Variants in PRKCB observed in about 807,000 individuals in gnomAD.
The protein encoded by PRKCB is protein kinase C beta, also known as protein kinase C beta type.
A neutral mutation model predicts 81.5 loss-of-function variants in PRKCB; 13 were observed. The ratio of observed to expected loss-of-function variants is 0.16; its 90% confidence interval spans 0.10 to 0.25. The LOEUF is 0.25. Among genes scored for constraint, PRKCB ranks in the 10% least tolerant of loss-of-function variants. PRKCB has a pLI of 1.00. For missense variants in PRKCB, 509 were observed against 875.7 expected, an observed-to-expected ratio of 0.58 and a Z score of 5.29; for synonymous variants, 335 against 321.4, an observed-to-expected ratio of 1.04 and a Z score of -0.45.
Position 24,027,987 on chromosome 16 carries a change from C to T in PRKCB, c.289-4149C>T, listed in dbSNP as rs1449819810. Among the ~76,000 whole-genome samples the T allele has an allele frequency of 2.6e-5, 4 of 152,152 alleles. No homozygotes were observed. The South Asian group carries it at 8.3e-4, about 32-fold the overall frequency. On this transcript the variant is annotated intron_variant, in intron 3 of 16. Coordinates refer to ENST00000643927, the MANE Select transcript of PRKCB (RefSeq NM_002738.7). The stretch of plus-strand genomic sequence containing the variant: ...GTCTCACTGTGTTGCCTAGGCTGAT[C>T]TCAAACTCCTGGGTTCAAGCTCAAG...
At chr16:24,098,038 G>T (rs902664028) in intron 7 of PRKCB, among the ~76,000 whole-genome samples, 4 of 152,176 alleles carry the variant, frequency 2.6e-5, no homozygotes, top group Admixed American at 6.5e-5. Context: ...ATGAGACATC[G>T]TGTCTGACTC....
At chr16:24,118,193 G>T (rs1433700640) in intron 8 of PRKCB, among the ~76,000 whole-genome samples, 1 of 152,222 alleles carries the variant, frequency 6.6e-6, no homozygotes, top group African/African-American at 2.4e-5. Flanking sequence ...CTGTAAGCAA[G>T]TTGCTTTGTC....
At chr16:23,913,737 G>C (rs1359533248) in intron 2 of PRKCB, among the ~76,000 whole-genome samples, 1 of 152,204 alleles carries the variant, frequency 6.6e-6, no homozygotes, top group African/African-American at 2.4e-5. Flanking sequence ...TGCAGGAAGG[G>C]TTGAAGAATC....
intron 2 of PRKCB, among the ~76,000 whole-genome samples, chr16:23,936,180 C>T (rs1391288289): frequency 6.6e-6 from 1 of 151,698 alleles, no homozygotes; most frequent in East Asian, 1.9e-4. Flanking sequence ...ACTGCAACCC[C>T]TATTCTCCAC....
intron 5 of PRKCB, among the ~76,000 whole-genome samples, chr16:24,084,834 G>A (rs1966292210): frequency 6.6e-6 from 1 of 152,150 alleles, no homozygotes; most frequent in Admixed American, 6.6e-5. Context: ...AAATTAACTA[G>A]GGACACCCAA....
chr16:24,174,699 C>A, intron 12 of PRKCB, 119 bp downstream of exon 12: 1 of 955,962 alleles, frequency 1.0e-6, no homozygotes, highest in Non-Finnish European at 1.6e-6. Flanking sequence ...TCCTCCAGAA[C>A]TAACTTGGGC....
chr16:24,180,988 C>T (rs953879746), intron 13 of PRKCB, 60 bp downstream of exon 13: 2 of 1,588,176 alleles, frequency 1.3e-6, no homozygotes, highest in Non-Finnish European at 1.7e-6. Context: ...CCCCAGATGG[C>T]TGTGTGAGAG....
chr16:24,119,208 A>G (rs1232576301), intron 8 of PRKCB, among the ~76,000 whole-genome samples: 4 of 152,036 alleles, frequency 2.6e-5, no homozygotes, highest in Non-Finnish European at 5.9e-5. Context: ...GAAAAGTTAT[A>G]AAAGCAAGCT....
At chr16:24,104,573 T>G (rs549769644) in intron 7 of PRKCB, among the ~76,000 whole-genome samples, 1 of 152,304 alleles carries the variant, frequency 6.6e-6, no homozygotes, top group East Asian at 1.9e-4. Flanking sequence ...CAAGGAATCT[T>G]GGGGAGTGGA....
At chr16:23,997,447 C>T (rs1349947398) in intron 3 of PRKCB, among the ~76,000 whole-genome samples, 1 of 152,156 alleles carries the variant, frequency 6.6e-6, no homozygotes, top group Non-Finnish European at 1.5e-5. Context: ...CTGAGGTGCC[C>T]ACTGAAGGTA....
intron 9 of PRKCB, among the ~76,000 whole-genome samples, chr16:24,151,010 A>G (rs1209207761): frequency 6.6e-6 from 1 of 152,258 alleles, no homozygotes; most frequent in Non-Finnish European, 1.5e-5. Context: ...ATCTCCTACG[A>G]TGCGGAGCAC....
intron 16 of PRKCB, chr16:24,208,332 T>G (rs1384863504): frequency 6.6e-6 from 1 of 152,186 alleles, no homozygotes; most frequent in Non-Finnish European, 1.5e-5. Flanking sequence ...CCAAGCCAAC[T>G]CCACATTCAA....
At chr16:23,868,401 T>A (rs1160284928) in intron 2 of PRKCB, among the ~76,000 whole-genome samples, 3 of 152,246 alleles carry the variant, frequency 2.0e-5, no homozygotes, top group African/African-American at 7.2e-5. Flanking sequence ...CTGGGACATG[T>A]ACTGGCATTA....
At chr16:24,148,641 C>T (rs574374258) in intron 9 of PRKCB, among the ~76,000 whole-genome samples, 1 of 152,172 alleles carries the variant, frequency 6.6e-6, no homozygotes, top group Non-Finnish European at 1.5e-5. Flanking sequence ...GTGGCAGGGA[C>T]CACTGCTGAC....
chr16:24,205,085 A>C (rs1968023232), intron 16 of PRKCB, among the ~76,000 whole-genome samples: 1 of 151,518 alleles, frequency 6.6e-6, no homozygotes, highest in African/African-American at 2.4e-5. Flanking sequence ...GTGCCACTGC[A>C]CACCAGCCTG....
chr16:23,989,909 G>A (rs1023195151), intron 3 of PRKCB, among the ~76,000 whole-genome samples: 1 of 152,144 alleles, frequency 6.6e-6, no homozygotes, highest in Non-Finnish European at 1.5e-5. Context: ...GGAAGACCTG[G>A]GAAAGAGTCT....
In PRKCB at chr16:23,995,277, A is replaced by T. The variant is rs570409586; in HGVS notation, c.288+6687A>T. Among the ~76,000 whole-genome samples the T allele has an allele frequency of 1.3e-5, 2 of 152,124 alleles. 1 individual carries two copies. Among genetic ancestry groups the T allele is most frequent in the Admixed American group, 1.3e-4 (2 of 15,272 alleles). On this transcript the variant is annotated intron_variant, in intron 3 of 16. Transcript: ENST00000643927. ...GGGGCCCCAAGAGCTTCTGGTTTTC[A>T]GTAGGGCCCAGAACAGTAGAAGGCT...
At chr16:23,838,122 A>G (rs2141072077) in intron 2 of PRKCB, among the ~76,000 whole-genome samples, 1 of 152,302 alleles carries the variant, frequency 6.6e-6, no homozygotes, top group Admixed American at 6.5e-5. Flanking sequence ...GCTCATGTCT[A>G]AAAGACAGAT....
At chr16:23,858,869 A>G (rs1962617114) in intron 2 of PRKCB, among the ~76,000 whole-genome samples, 1 of 152,052 alleles carries the variant, frequency 6.6e-6, no homozygotes, top group South Asian at 2.1e-4. Flanking sequence ...ACAGCACCCT[A>G]GGAGGTTGAT....
Sources: allele counts gnomAD v4.1 joint callset (sites outside exome capture counted in the v4.1 genomes callset), GRCh38; gene constraint gnomAD v4.1.1; transcripts MANE v1.5; gene names NCBI Gene and HGNC (gene_info 2026-07-23, HGNC 2026-07-21).